The following ASTN2 variants were observed in gnomAD, a reference collection of about 807,000 sequenced individuals.
ASTN2 encodes astrotactin-2.
ASTN2 carries 54 observed loss-of-function variants against 139.8 expected under a neutral mutation model. The ratio of observed to expected loss-of-function variants is 0.39; its 90% CI spans 0.31 to 0.48. The LOEUF is 0.48. Among genes scored for constraint, ASTN2 ranks in the 20% least tolerant of loss-of-function variants. The pLI is 0.95. For synonymous variants in ASTN2, 756 were observed against 719.5 expected (o/e 1.05, Z -0.81); for missense variants, 1,565 against 1,725.1 (o/e 0.91, Z 1.64).
Position 117,141,360 on chromosome 9 carries a change from C to A in ASTN2, c.1134G>T (p.Ser378=), listed in dbSNP as rs150517462. The change falls in exon 4 of 23, where the codon TCG becomes TCT. Residue 378 remains serine, a synonymous_variant. Coordinates refer to ENST00000313400, the MANE Select transcript of ASTN2 (RefSeq NM_001365068.1). ...GQLQPPLRST[S]AGKRKRRSKS... is the part of the protein sequence containing the mutation. ...TGCTCCTCCGCTTCCTCTTCCCTGC[C>A]GATGTGCTGCGCAGGGGTGGTTGCA... 1.5e-6 allele frequency: 2 copies of A among 1,367,404 alleles called. No homozygotes were observed. Among genetic ancestry groups the A allele is most frequent in the Non-Finnish European group, 2.0e-6 (2 of 1,021,782 alleles). 84.7% of individuals were successfully genotyped at this position (1,367,404 alleles called of 1,614,324 possible).
At chr9:117,203,498 G>C (rs932352032) in intron 3 of ASTN2, among the ~76,000 whole-genome samples, 2 of 152,106 alleles carry the variant, frequency 1.3e-5, no homozygotes, top group Non-Finnish European at 2.9e-5. Context: ...CTTTGAGGCT[G>C]CTGACCCTTG....
intron 16 of ASTN2, among the ~76,000 whole-genome samples, chr9:116,705,014 T>C (rs956924251): frequency 1.3e-5 from 2 of 152,084 alleles, no homozygotes; most frequent in African/African-American, 4.8e-5. Context: ...CTTCAAAGAA[T>C]TTTTTCTCTA....
intron 1 of ASTN2, among the ~76,000 whole-genome samples, chr9:117,383,919 TG>T (rs1830331864): frequency 1.3e-5 from 2 of 152,182 alleles, no homozygotes; most frequent in Non-Finnish European, 2.9e-5. Context: ...ATTGTAACAA[TG>T]GCTTTTATTT....
At chr9:117,189,340 A>G (rs1001144002) in intron 3 of ASTN2, among the ~76,000 whole-genome samples, 1 of 152,174 alleles carries the variant, frequency 6.6e-6, no homozygotes, top group African/African-American at 2.4e-5. Context: ...GGGCTGGAAC[A>G]TGGATAGAAA....
At chr9:117,126,227 G>A (rs1310822077) in intron 4 of ASTN2, among the ~76,000 whole-genome samples, 1 of 152,142 alleles carries the variant, frequency 6.6e-6, no homozygotes, top group African/African-American at 2.4e-5. Flanking sequence ...AAGCTCTGAG[G>A]CCTATGTATG....
intron 10 of ASTN2, among the ~76,000 whole-genome samples, chr9:116,867,442 T>C (rs552359692): frequency 2.2e-4 from 33 of 147,180 alleles, no homozygotes; most frequent in Admixed American, 7.6e-4. Flanking sequence ...CCCAGCTACT[T>C]GGGAGGCTGA....
Position 116,581,399 on chromosome 9 carries a change from G to A in ASTN2, c.3355+36925C>T, listed in dbSNP as rs185612096. ...TAAGGCTTCTTTCCCTGGTTACCTG[G>A]TGCCCCAGTTCCCGTAGTCATTCTA... On this transcript the variant is annotated intron_variant, in intron 19 of 22. Coordinates refer to ENST00000313400, the MANE Select transcript of ASTN2 (RefSeq NM_001365068.1). Among the ~76,000 whole-genome samples the A allele has an allele frequency of 3.4e-3, 511 of 152,082 alleles. 1 individual carries two copies. The highest frequency in any genetic ancestry group is 0.012 in the African/African-American group (498 of 41,462).
intron 19 of ASTN2, among the ~76,000 whole-genome samples, chr9:116,537,612 A>G (rs577741989): frequency 2.6e-5 from 4 of 152,340 alleles, no homozygotes; most frequent in African/African-American, 9.6e-5. Flanking sequence ...TTTTAAAGCC[A>G]GAAAACCTAA....
chr9:116,520,158 G>C (rs774218841), intron 19 of ASTN2, among the ~76,000 whole-genome samples: 1 of 151,986 alleles, frequency 6.6e-6, no homozygotes, highest in Non-Finnish European at 1.5e-5. Context: ...TATGACACCA[G>C]TATCATCCTA....
intron 10 of ASTN2, among the ~76,000 whole-genome samples, chr9:116,907,552 A>G (rs549736606): frequency 3.9e-5 from 6 of 152,364 alleles, no homozygotes; most frequent in Admixed American, 3.3e-4. Context: ...AAGCAAGGCT[A>G]AATGGGGGCT....
chr9:116,834,778 T>C (rs746801406), intron 11 of ASTN2, among the ~76,000 whole-genome samples: 16 of 152,246 alleles, frequency 1.1e-4, no homozygotes, highest in Non-Finnish European at 1.9e-4. Context: ...CTGGGCACAG[T>C]GGCTTATGCC....
chr9:117,066,829 C>T (rs1827961880), intron 5 of ASTN2, among the ~76,000 whole-genome samples: 1 of 146,644 alleles, frequency 6.8e-6, no homozygotes, highest in Non-Finnish European at 1.5e-5. Flanking sequence ...TGTTCATGTC[C>T]TTCGCCCACT....
chr9:116,747,693 GCACACA>G (rs56265727), intron 13 of ASTN2, among the ~76,000 whole-genome samples: 3,037 of 149,052 alleles, frequency 0.02, 39 homozygotes, highest in African/African-American at 0.038. Flanking sequence ...GTGTGCATGA[GCACACA>G]CACACACACA....
chr9:117,198,768 A>G (rs367591426), intron 3 of ASTN2, among the ~76,000 whole-genome samples: 3 of 152,160 alleles, frequency 2.0e-5, no homozygotes, highest in African/African-American at 7.2e-5. Context: ...GTGTAAAAGC[A>G]TTCCTATTTC....
At chr9:117,264,743 A>G (rs1461133999) in intron 2 of ASTN2, among the ~76,000 whole-genome samples, 1 of 152,238 alleles carries the variant, frequency 6.6e-6, no homozygotes, top group Non-Finnish European at 1.5e-5. Context: ...AACTTACTTA[A>G]TACTGGAAGT....
intron 10 of ASTN2, among the ~76,000 whole-genome samples, chr9:116,907,362 C>T (rs1834189992): frequency 6.6e-6 from 1 of 152,130 alleles, no homozygotes; most frequent in South Asian, 2.1e-4. Context: ...TCAGTACTGG[C>T]CCTGAGGCAC....
chr9:116,446,556 T>A (rs925210169), intron 20 of ASTN2, among the ~76,000 whole-genome samples: 1 of 152,166 alleles, frequency 6.6e-6, no homozygotes, highest in Non-Finnish European at 1.5e-5. Flanking sequence ...CTCCTCCTCC[T>A]CCAGTGCTCT....
intron 17 of ASTN2, among the ~76,000 whole-genome samples, chr9:116,633,750 G>A (rs563911296): frequency 6.6e-6 from 1 of 152,162 alleles, no homozygotes; most frequent in Non-Finnish European, 1.5e-5. Context: ...TGCTGGTGGG[G>A]CTTCTATGGG....
chr9:116,856,951 C>T (rs1832756244), intron 11 of ASTN2, among the ~76,000 whole-genome samples: 1 of 152,170 alleles, frequency 6.6e-6, no homozygotes, highest in Non-Finnish European at 1.5e-5. Context: ...CTTCCACTTC[C>T]CTTAGTCCTT....
Sources: gnomAD v4.1 joint callset for allele counts (sites outside exome capture counted in the v4.1 genomes callset) on GRCh38, gnomAD v4.1.1 for gene constraint, MANE v1.5 for transcripts, NCBI Gene and HGNC (gene_info 2026-07-23, HGNC 2026-07-21) for gene names.